Variants in ETF1 observed in about 807,000 individuals in gnomAD.
ETF1 encodes the protein eukaryotic translation termination factor 1, also known as eukaryotic peptide chain release factor subunit 1.
A neutral mutation model predicts 55.1 loss-of-function variants in ETF1; 4 were observed. The ratio of observed to expected loss-of-function variants is 0.07; its 90% CI spans 0.04 to 0.17. ETF1 has a LOEUF of 0.17. Among genes scored for constraint, ETF1 ranks in the 10% least tolerant of loss-of-function variants. ETF1 has a pLI of 1.00. For synonymous variants in ETF1, 157 were observed against 182.3 expected (o/e 0.86, Z 1.12); for missense variants, 142 against 523.6 (o/e 0.27, Z 7.11).
intron 2 of ETF1, among the ~76,000 whole-genome samples, chr5:138,531,648 C>T (rs1193403261): frequency 1.3e-5 from 2 of 152,166 alleles, no homozygotes; most frequent in Non-Finnish European, 2.9e-5. Context: ...AGCTTTCATC[C>T]CAGGGTTTGA....
chr5:138,510,071 A>G (rs531395365), intron 9 of ETF1, among the ~76,000 whole-genome samples: 1 of 150,058 alleles, frequency 6.7e-6, no homozygotes, highest in African/African-American at 2.4e-5. Context: ...AGAAAAAAAA[A>G]AAAAGACCGG....
intron 2 of ETF1, among the ~76,000 whole-genome samples, chr5:138,524,537 A>C (rs887473750): frequency 1.4e-5 from 2 of 147,970 alleles, no homozygotes; most frequent in South Asian, 2.1e-4. Flanking sequence ...TGGAAACCAG[A>C]GTGAAACTGT....
At chr5:138,517,369 TA>T (rs1033311791) in intron 4 of ETF1, among the ~76,000 whole-genome samples, 191 bp downstream of exon 4, 15 of 145,600 alleles carry the variant, frequency 1.0e-4, no homozygotes, top group Non-Finnish European at 1.1e-4. Flanking sequence ...AGACTCCGTC[TA>T]AAAAAAAAAT....
intron 2 of ETF1, chr5:138,541,537 G>C: frequency 1.3e-6 from 2 of 1,534,990 alleles, no homozygotes; most frequent in Non-Finnish European, 1.7e-6. Flanking sequence ...TGGGCCTTCA[G>C]TACAATTAAG....
intron 2 of ETF1, chr5:138,541,470 A>C: frequency 7.3e-7 from 1 of 1,361,100 alleles, no homozygotes; most frequent in South Asian, 1.2e-5. Flanking sequence ...CCTCATTCCA[A>C]ACAGAACTGT....
At position 138,507,089 on chromosome 5, in the gene ETF1, G is replaced by A. The variant is rs1283423674; in HGVS notation, c.*1216C>T. 1 of 152,188 alleles carries A rather than the reference G, an allele frequency of 6.6e-6. No individual in the cohort carries two copies. Among genetic ancestry groups the A allele is most frequent in the African/African-American group, 2.4e-5 (1 of 41,424 alleles). 9.4% of individuals were successfully genotyped at this position (152,188 alleles called of 1,614,324 possible). A position where few individuals can be genotyped will look rare whatever the true frequency, so the allele number is the denominator to read the frequency against. ...TTCAAGTCTGACTTACAGCCCAGCTGTGAAGCATAAGCTTCAGGGTTTCAG... is the reference window on the plus strand; with the variant it reads ...TTCAAGTCTGACTTACAGCCCAGCTATGAAGCATAAGCTTCAGGGTTTCAG... On this transcript the variant is annotated 3_prime_UTR_variant, in exon 11 of 11. Transcript: ENST00000360541.
intron 4 of ETF1, among the ~76,000 whole-genome samples, chr5:138,516,822 C>T (rs1444624611): frequency 1.3e-5 from 2 of 152,136 alleles, no homozygotes; most frequent in Non-Finnish European, 1.5e-5. Flanking sequence ...AATGTATGGT[C>T]ACATAGAAAC....
chr5:138,531,916 G>A (rs775417228), intron 2 of ETF1, among the ~76,000 whole-genome samples: 3 of 152,126 alleles, frequency 2.0e-5, no homozygotes, highest in Non-Finnish European at 2.9e-5. Context: ...GCGTGGTGGC[G>A]GGCGCCTATA....
chr5:138,511,780 C>A (rs1764795390), intron 6 of ETF1, 176 bp from the exon 7 acceptor site: 1 of 981,662 alleles, frequency 1.0e-6, no homozygotes, highest in African/African-American at 1.8e-5. Flanking sequence ...TTAAAGTGAA[C>A]AGCACTGCCA....
intron 2 of ETF1, among the ~76,000 whole-genome samples, chr5:138,526,371 G>A (rs1362929190): frequency 6.6e-6 from 1 of 152,052 alleles, no homozygotes; most frequent in African/African-American, 2.4e-5. Flanking sequence ...CTCAAATTGG[G>A]TCCTAGAAAG....
intron 2 of ETF1, among the ~76,000 whole-genome samples, chr5:138,528,068 G>A (rs1186094573): frequency 1.3e-5 from 2 of 152,126 alleles, no homozygotes; most frequent in Non-Finnish European, 2.9e-5. Context: ...CACCATGCCC[G>A]GCTGGAAGTT....
chr5:138,543,171 AG>A lies in ETF1; in HGVS notation c.-94del. 2 of 572,332 alleles carry A rather than the reference AG, an allele frequency of 3.5e-6. No individual in the cohort carries two copies. Among genetic ancestry groups the A allele is most frequent in the South Asian group, 2.2e-5 (1 of 44,970 alleles). 35.5% of individuals were successfully genotyped at this position (572,332 alleles called of 1,614,324 possible). On this transcript the variant is annotated 5_prime_UTR_variant, in exon 1 of 11. The change abolishes the stop of an existing upstream ORF in the 5' untranslated region. Transcript: ENST00000360541. ...TCCGCGGCGGCGGCGGCTCTGACGT[AG>A]GACACCGGCTCCCTCTCTCCAGGCA...
At position 138,510,952 on chromosome 5, in the gene ETF1, G is replaced by A. The variant is rs531946058; in HGVS notation, c.1018+93C>T. The A allele has an allele frequency of 1.3e-5, 20 of 1,541,844 alleles. No homozygotes were observed. The East Asian group carries it at 4.5e-4, about 35-fold the overall frequency. ...GGAACAATGGGTAGATCTACCTTCT[G>A]ATTGCTCCTGAAATCAGCCATCCCT... is the stretch of plus-strand genomic sequence containing the variant. On this transcript the variant is annotated intron_variant, in intron 8 of 10. Transcript: ENST00000360541.
chr5:138,515,820 A>G (rs1201386307), intron 4 of ETF1, among the ~76,000 whole-genome samples: 2 of 152,058 alleles, frequency 1.3e-5, no homozygotes, highest in Admixed American at 1.3e-4. Context: ...TCCCTGAAAA[A>G]CCCTCTGCTG....
At chr5:138,541,775 G>A in intron 2 of ETF1, 1 of 247,564 alleles carries the variant, frequency 4.0e-6, no homozygotes, top group South Asian at 7.9e-5. Flanking sequence ...TGGGGGGGGG[G>A]GCACTTCCTG....
At chr5:138,535,411 ACCT>A (rs1765878997) in intron 2 of ETF1, among the ~76,000 whole-genome samples, 1 of 150,916 alleles carries the variant, frequency 6.6e-6, no homozygotes, top group Non-Finnish European at 1.5e-5. Flanking sequence ...GCTCACTGCA[ACCT>A]CCTTTTAATA....
At chr5:138,525,260 C>T (rs917586195) in intron 2 of ETF1, among the ~76,000 whole-genome samples, 1 of 151,862 alleles carries the variant, frequency 6.6e-6, no homozygotes, top group Non-Finnish European at 1.5e-5. Context: ...TGGGTTCAAG[C>T]GATTCTCCTG....
chr5:138,513,040 C>G, intron 5 of ETF1, 86 bp from the exon 6 acceptor site: 1 of 1,418,578 alleles, frequency 7.0e-7, no homozygotes, highest in South Asian at 1.7e-5. Flanking sequence ...ATCATGTCAT[C>G]ATCTAAGAAA....
chr5:138,509,191 T>C, intron 9 of ETF1: 1 of 985,270 alleles, frequency 1.0e-6, no homozygotes, highest in South Asian at 4.7e-5. Flanking sequence ...AGTGGCCTCG[T>C]AGAGAACAAA....
Sources: allele counts gnomAD v4.1 joint callset (sites outside exome capture counted in the v4.1 genomes callset), GRCh38; gene constraint gnomAD v4.1.1; transcripts MANE v1.5; gene names NCBI Gene and HGNC (gene_info 2026-07-23, HGNC 2026-07-21).